The following REEP1 variants were observed in gnomAD, a reference collection of about 807,000 sequenced individuals.
The protein encoded by REEP1 is receptor expression-enhancing protein 1.
A neutral mutation model predicts 40.3 loss-of-function variants in REEP1; 22 were observed. That is an observed-to-expected ratio of 0.55 (90% CI 0.39 to 0.78). The LOEUF is 0.78. REEP1 is among the 30% of genes least tolerant of loss of function. REEP1 has a pLI of 0.00. For missense variants in REEP1, 280 were observed against 361.1 expected (o/e 0.78, Z 1.82); for synonymous variants, 116 against 139.2 (o/e 0.83, Z 1.17).
In REEP1 at chr2:86,263,822, A is replaced by T. The variant is rs115585392; in HGVS notation, c.182+143T>A. Reference sequence around the variant, plus strand: ...GAACAACTTTGTGGACTAATCTATTAAAAATGCTCCAGTTAACATCCCTGC... The same window carrying T: ...GAACAACTTTGTGGACTAATCTATTTAAAATGCTCCAGTTAACATCCCTGC... On this transcript the variant is annotated intron_variant, in intron 3 of 8. Transcript: ENST00000538924. The T allele has an allele frequency of 7.5e-3, 5,309 of 709,410 alleles. 117 individuals carry two copies. The highest frequency in any genetic ancestry group is 0.053 in the African/African-American group (3,041 of 56,966). 43.9% of individuals were successfully genotyped at this position (709,410 alleles called of 1,614,324 possible).
At chr2:86,314,596 G>A (rs1018075805) in intron 1 of REEP1, among the ~76,000 whole-genome samples, 1 of 151,782 alleles carries the variant, frequency 6.6e-6, no homozygotes, top group Non-Finnish European at 1.5e-5. Context: ...TGGGCAGGTA[G>A]AAGCCACAGG....
chr2:86,274,107 G>T (rs923758922), intron 2 of REEP1, among the ~76,000 whole-genome samples: 4 of 152,224 alleles, frequency 2.6e-5, no homozygotes, highest in Non-Finnish European at 4.4e-5. Flanking sequence ...TAGACAACTT[G>T]TGAGGCAACA....
intron 1 of REEP1, among the ~76,000 whole-genome samples, chr2:86,287,241 C>T (rs1426502613): frequency 1.3e-5 from 2 of 152,112 alleles, no homozygotes; most frequent in African/African-American, 4.8e-5. Flanking sequence ...GTGTGCATCA[C>T]CACATCTGGC....
chr2:86,234,296 T>C (rs922569250), intron 5 of REEP1, among the ~76,000 whole-genome samples: 12 of 152,084 alleles, frequency 7.9e-5, no homozygotes, highest in Non-Finnish European at 1.6e-4. Context: ...GGCAGGAGGA[T>C]TGCTTGAGTC....
chr2:86,236,443 A>G (rs1675327925), intron 5 of REEP1, among the ~76,000 whole-genome samples: 4 of 152,164 alleles, frequency 2.6e-5, no homozygotes, highest in Admixed American at 2.6e-4. Flanking sequence ...TTGGGGAAAT[A>G]AATTTGGATT....
At chr2:86,324,912 T>C (rs958915875) in intron 1 of REEP1, among the ~76,000 whole-genome samples, 2 of 152,364 alleles carry the variant, frequency 1.3e-5, no homozygotes, top group East Asian at 3.8e-4. Flanking sequence ...AAGTACATTA[T>C]GGTATATTCA....
intron 1 of REEP1, among the ~76,000 whole-genome samples, chr2:86,289,443 G>T (rs947829517): frequency 2.6e-5 from 4 of 152,044 alleles, no homozygotes; most frequent in African/African-American, 4.8e-5. Context: ...ACTTTATAAT[G>T]AATCCTGATA....
At chr2:86,324,583 A>C (rs1680417209) in intron 1 of REEP1, among the ~76,000 whole-genome samples, 1 of 152,212 alleles carries the variant, frequency 6.6e-6, no homozygotes, top group South Asian at 2.1e-4. Context: ...CAAATGGTGG[A>C]GCACTTGCCA....
intron 2 of REEP1, among the ~76,000 whole-genome samples, chr2:86,267,643 GTCACTGCCCT>G (rs1253660177): frequency 1.3e-5 from 2 of 152,086 alleles, no homozygotes; most frequent in Non-Finnish European, 2.9e-5. Flanking sequence ...CTATGATCAT[GTCACTGCCCT>G]TCAGCCAGGG....
intron 5 of REEP1, among the ~76,000 whole-genome samples, chr2:86,243,508 T>A (rs1420309473): frequency 6.6e-6 from 1 of 152,110 alleles, no homozygotes; most frequent in African/African-American, 2.4e-5. Flanking sequence ...CAGCTGAGTG[T>A]GATGTGGGTG....
At chr2:86,318,400 CTTT>C (rs775382572) in intron 1 of REEP1, among the ~76,000 whole-genome samples, 4,151 of 52,858 alleles carry the variant, frequency 0.079, 100 homozygotes, top group East Asian at 0.27. Flanking sequence ...CTTTTCTTTT[CTTT>C]TTTTTTTTTT....
chr2:86,325,262 A>T (rs527729421), intron 1 of REEP1, among the ~76,000 whole-genome samples: 30 of 152,306 alleles, frequency 2.0e-4, no homozygotes, highest in Non-Finnish European at 2.8e-4. Context: ...AAAAAATTTT[A>T]AAAAAGATAA....
chr2:86,324,458 T>G (rs1347523153), intron 1 of REEP1, among the ~76,000 whole-genome samples: 7 of 152,130 alleles, frequency 4.6e-5, no homozygotes, highest in Non-Finnish European at 8.8e-5. Context: ...TTGGTACCCA[T>G]CAGAATGGCA....
intron 7 of REEP1, chr2:86,223,602 TCACA>T (rs777947613): frequency 5.9e-5 from 9 of 151,882 alleles, no homozygotes; most frequent in South Asian, 2.1e-4. Context: ...CCACACACAC[TCACA>T]CACAGACACA....
In REEP1 at chr2:86,295,963, A is replaced by C. The variant is rs371273572; in HGVS notation, c.33-13721T>G. ...GAGAATAGATAAAACTAGGTCACTA[A>C]GGAGAAAAAAATTCCAAGACAATAA... On this transcript the variant is annotated intron_variant, in intron 1 of 8. Coordinates refer to ENST00000538924, the MANE Select transcript of REEP1 (RefSeq NM_001371279.1). Among the ~76,000 whole-genome samples, 20 of 152,378 alleles carry C rather than the reference A, an allele frequency of 1.3e-4. No individual in the cohort carries two copies. In the South Asian group the frequency reaches 3.9e-3, roughly 30 times the overall value.
At chr2:86,316,018 C>T (rs1000729687) in intron 1 of REEP1, among the ~76,000 whole-genome samples, 3 of 152,068 alleles carry the variant, frequency 2.0e-5, no homozygotes, top group Non-Finnish European at 4.4e-5. Context: ...TCCTAGAAGC[C>T]GCCAGCAGCC....
intron 1 of REEP1, among the ~76,000 whole-genome samples, chr2:86,323,105 G>A (rs1024988360): frequency 6.6e-6 from 1 of 152,150 alleles, no homozygotes; most frequent in Admixed American, 6.5e-5. Flanking sequence ...GGCTGAGCCA[G>A]GGCAGGAGAA....
chr2:86,250,658 T>C (rs1863054), intron 5 of REEP1, among the ~76,000 whole-genome samples: 132,720 of 151,946 alleles, frequency 0.87, 58,404 homozygotes, highest in East Asian at 0.95. Flanking sequence ...AGTGGCGGGA[T>C]ACCTAGCTAC....
At chr2:86,231,094 C>A (rs1162389927) in intron 6 of REEP1, among the ~76,000 whole-genome samples, 1 of 152,244 alleles carries the variant, frequency 6.6e-6, no homozygotes, top group Non-Finnish European at 1.5e-5. Flanking sequence ...CAGAAGGCCA[C>A]GCTCTACTGC....
Sources: allele counts gnomAD v4.1 joint callset (sites outside exome capture counted in the v4.1 genomes callset), GRCh38; gene constraint gnomAD v4.1.1; transcripts MANE v1.5; gene names NCBI Gene and HGNC (gene_info 2026-07-23, HGNC 2026-07-21).